ZNF277: variants seen among roughly 807,000 people sequenced by gnomAD.
ZNF277 encodes zinc finger protein 277, also known as nuclear receptor-interacting factor 4.
In ZNF277, 55 loss-of-function variants were observed where a neutral mutation model predicts 60.7. That is an observed-to-expected ratio of 0.91 (90% CI 0.73 to 1.13). The LOEUF is 1.13. Among genes scored for constraint, ZNF277 ranks in the 50% most tolerant of loss-of-function variants. The probability of loss-of-function intolerance (pLI) is 0.00; values close to 1 mark genes in which losing one functional copy is unlikely to be tolerated. For missense variants in ZNF277, 510 were observed against 523.0 expected, an observed-to-expected ratio of 0.98 and a Z score of 0.24; for synonymous variants, 178 against 179.3, an observed-to-expected ratio of 0.99 and a Z score of 0.06.
intron 7 of ZNF277, among the ~76,000 whole-genome samples, chr7:112,331,320 C>T (rs534538848): frequency 2.6e-4 from 40 of 152,138 alleles, no homozygotes; most frequent in African/African-American, 9.6e-4. Context: ...GGAAACTACT[C>T]ATATAAAAGA....
intron 1 of ZNF277, among the ~76,000 whole-genome samples, chr7:112,252,630 A>G (rs1365014305): frequency 6.6e-6 from 1 of 152,108 alleles, no homozygotes; most frequent in Non-Finnish European, 1.5e-5. Context: ...ATACAATATA[A>G]TTTACCAGTG....
Position 112,303,147 on chromosome 7 carries a change from A to G in ZNF277, c.465+6836A>G, listed in dbSNP as rs532782042. 3.0e-4 allele frequency among the ~76,000 whole-genome samples: 45 copies of G among 151,832 alleles called. No individual in the cohort carries two copies. The Middle Eastern group carries it at 0.02, about 69-fold the overall frequency. ...TATATTTTTAGTAGAGACAGGGTTT[A>G]ACCATGTTGGCCAGGCTGATCTCAA... is the stretch of plus-strand genomic sequence containing the variant. On this transcript the variant is annotated intron_variant, in intron 4 of 11. Coordinates refer to ENST00000361822, the MANE Select transcript of ZNF277 (RefSeq NM_021994.3).
intron 1 of ZNF277, among the ~76,000 whole-genome samples, chr7:112,220,249 GT>G (rs1821990406): frequency 1.3e-5 from 2 of 150,464 alleles, no homozygotes; most frequent in Non-Finnish European, 3.0e-5. Flanking sequence ...AGTTTTCCCT[GT>G]ACAGATCTTA....
chr7:112,244,044 A>T (rs1791023029), intron 1 of ZNF277, among the ~76,000 whole-genome samples: 1 of 152,132 alleles, frequency 6.6e-6, no homozygotes, highest in Admixed American at 6.5e-5. Flanking sequence ...GAAATAACTC[A>T]GAAACAGAAA....
At chr7:112,224,852 A>T (rs1244534683) in intron 1 of ZNF277, among the ~76,000 whole-genome samples, 2 of 152,238 alleles carry the variant, frequency 1.3e-5, no homozygotes, top group East Asian at 3.9e-4. Flanking sequence ...CCTGAAAAAA[A>T]TTTAGGGCTG....
intron 1 of ZNF277, among the ~76,000 whole-genome samples, chr7:112,282,023 G>A (rs1459617732): frequency 1.3e-5 from 2 of 152,008 alleles, no homozygotes; most frequent in African/African-American, 2.4e-5. Context: ...AGTAGAGACG[G>A]GGTTTCACCG....
At position 112,295,375 on chromosome 7, in the gene ZNF277, G is replaced by A. The variant is rs868159848; in HGVS notation, c.294-494G>A. On this transcript the variant is annotated intron_variant, in intron 2 of 11. Transcript: ENST00000361822. ...CATTTCAGACTCAGTGTAGACATAT[G>A]GAATTTTTCTGTCTTGTTATATTGA... is the stretch of plus-strand genomic sequence containing the variant. Among the ~76,000 whole-genome samples the A allele has an allele frequency of 2.0e-4, 31 of 152,040 alleles. 1 individual carries two copies. The highest frequency in any genetic ancestry group is 5.8e-4 in the African/African-American group (24 of 41,484).
At chr7:112,327,695 A>G in intron 5 of ZNF277, 22 bp from the exon 6 acceptor site, 2 of 1,573,438 alleles carry the variant, frequency 1.3e-6, no homozygotes, top group Non-Finnish European at 1.7e-6. Context: ...GAATAATCCT[A>G]ATTGCTCAAA....
intron 7 of ZNF277, among the ~76,000 whole-genome samples, chr7:112,331,178 C>T (rs890390950): frequency 6.6e-6 from 1 of 152,054 alleles, no homozygotes; most frequent in African/African-American, 2.4e-5. Flanking sequence ...AAGAGGCATT[C>T]AGATGGAGAC....
At chr7:112,342,502 C>T (rs919292159) in intron 11 of ZNF277, 59 bp from the exon 12 acceptor site, 151 of 1,354,516 alleles carry the variant, frequency 1.1e-4, no homozygotes, top group Non-Finnish European at 1.4e-4. Context: ...GTACATTCAG[C>T]TACCTGGACA....
At chr7:112,239,699 G>A (rs906887513) in intron 1 of ZNF277, among the ~76,000 whole-genome samples, 2 of 152,202 alleles carry the variant, frequency 1.3e-5, no homozygotes, top group Middle Eastern at 3.2e-3. Flanking sequence ...TGAAAGAAAA[G>A]GATGTTAATG....
intron 10 of ZNF277, 87 bp downstream of exon 10, chr7:112,339,972 T>C: frequency 4.0e-6 from 5 of 1,250,012 alleles, no homozygotes; most frequent in South Asian, 1.2e-5. Flanking sequence ...GTAGCTATGA[T>C]TGGAGAGTGC....
intron 4 of ZNF277, among the ~76,000 whole-genome samples, chr7:112,298,447 TTAGA>T (rs895034616): frequency 2.0e-5 from 3 of 152,174 alleles, no homozygotes; most frequent in Non-Finnish European, 2.9e-5. Context: ...CTACTCCGGC[TTAGA>T]TAGAAAAATT....
chr7:112,316,950 C>T (rs923602785), intron 4 of ZNF277, among the ~76,000 whole-genome samples: 6 of 148,942 alleles, frequency 4.0e-5, no homozygotes, highest in African/African-American at 1.0e-4. Flanking sequence ...GGCACATATA[C>T]ACCATGGAAT....
chr7:112,291,331 G>A (rs2117069152), intron 2 of ZNF277, among the ~76,000 whole-genome samples: 1 of 152,250 alleles, frequency 6.6e-6, no homozygotes, highest in East Asian at 1.9e-4. Context: ...GGGCAGGCAA[G>A]ATATTGCAAC....
At chr7:112,286,729 C>G in intron 1 of ZNF277, 144 bp from the exon 2 acceptor site, 1 of 695,588 alleles carries the variant, frequency 1.4e-6, no homozygotes, top group South Asian at 2.0e-5. Context: ...ATCCTACTCT[C>G]CAGCACTATG....
chr7:112,339,731 A>G, intron 9 of ZNF277, 112 bp from the exon 10 acceptor site: 3 of 1,049,192 alleles, frequency 2.9e-6, no homozygotes, highest in South Asian at 2.9e-5. Flanking sequence ...AAGATACCGA[A>G]CTCAGACTGA....
intron 4 of ZNF277, among the ~76,000 whole-genome samples, chr7:112,304,016 C>A (rs914458355): frequency 6.6e-6 from 1 of 152,032 alleles, no homozygotes; most frequent in Non-Finnish European, 1.5e-5. Context: ...GGGTGTATAT[C>A]ATCATCCAGT....
At chr7:112,302,285 A>C (rs1792494412) in intron 4 of ZNF277, among the ~76,000 whole-genome samples, 1 of 152,068 alleles carries the variant, frequency 6.6e-6, no homozygotes, top group Non-Finnish European at 1.5e-5. Flanking sequence ...CCACAACAAA[A>C]TGAAATTGCG....
Sources: gnomAD v4.1 joint callset for allele counts (sites outside exome capture counted in the v4.1 genomes callset) on GRCh38, gnomAD v4.1.1 for gene constraint, MANE v1.5 for transcripts, NCBI Gene and HGNC (gene_info 2026-07-23, HGNC 2026-07-21) for gene names.